Variants in TSPAN9 observed in about 807,000 individuals in gnomAD.
TSPAN9 encodes tetraspanin 9.
TSPAN9 carries 16 observed loss-of-function variants against 31.0 expected under a neutral mutation model. That is an observed-to-expected ratio of 0.52 (90% confidence interval 0.35 to 0.78). TSPAN9 has a LOEUF of 0.78. Among genes scored for constraint, TSPAN9 ranks in the 30% least tolerant of loss-of-function variants. The probability of loss-of-function intolerance (pLI) is 0.01; values close to 1 mark genes in which losing one functional copy is unlikely to be tolerated. For missense variants in TSPAN9, 272 were observed against 312.5 expected (o/e 0.87, Z 0.98); for synonymous variants, 145 against 121.6 (o/e 1.19, Z -1.27).
At chr12:3,194,496 C>A (rs1387127905) in intron 2 of TSPAN9, among the ~76,000 whole-genome samples, 1 of 152,164 alleles carries the variant, frequency 6.6e-6, no homozygotes, top group Non-Finnish European at 1.5e-5. Flanking sequence ...AAGTGATCCT[C>A]CCGCCTCAGC....
intron 2 of TSPAN9, among the ~76,000 whole-genome samples, chr12:3,104,113 C>T (rs1436706563): frequency 6.6e-6 from 1 of 151,938 alleles, no homozygotes; most frequent in Non-Finnish European, 1.5e-5. Flanking sequence ...GGTGGGAGCA[C>T]ATGAGGCCTG....
chr12:3,247,577 G>T (rs1040755765), intron 3 of TSPAN9, among the ~76,000 whole-genome samples: 7 of 152,154 alleles, frequency 4.6e-5, no homozygotes, highest in Non-Finnish European at 1.0e-4. Flanking sequence ...CAGAGTACCC[G>T]TAGGGAGTAC....
In TSPAN9 at chr12:3,147,396, G is replaced by A. The variant is rs1294334590; in HGVS notation, c.-17-53781G>A. Among the ~76,000 whole-genome samples the A allele has an allele frequency of 6.6e-6, 1 of 152,190 alleles. No homozygotes were observed. The highest frequency in any genetic ancestry group is 2.1e-4 in the South Asian group (1 of 4,824). The stretch of plus-strand genomic sequence containing the variant: ...TGTTGGGGCCCGGGAGACCCTCGCC[G>A]AGGAGCAAGGTTGGTGGTGGGCATG... On this transcript the variant is annotated intron_variant, in intron 2 of 8. Coordinates refer to ENST00000011898, the MANE Select transcript of TSPAN9 (RefSeq NM_006675.5). The surrounding 1 kb of genome is among the most constrained non-coding windows in gnomAD (Gnocchi z 4.3).
At chr12:3,189,479 A>C (rs1365960050) in intron 2 of TSPAN9, among the ~76,000 whole-genome samples, 1 of 152,100 alleles carries the variant, frequency 6.6e-6, no homozygotes, top group Admixed American at 6.6e-5. Context: ...CTACAGAGGG[A>C]GAGGGTGCAG....
intron 5 of TSPAN9, among the ~76,000 whole-genome samples, chr12:3,279,590 T>G (rs1862858197): frequency 6.6e-6 from 1 of 152,220 alleles, no homozygotes; most frequent in Non-Finnish European, 1.5e-5. Flanking sequence ...TGACCCCCTG[T>G]AACCTCGCCA....
intron 2 of TSPAN9, among the ~76,000 whole-genome samples, chr12:3,130,886 C>T (rs1284573035): frequency 6.6e-6 from 1 of 152,122 alleles, no homozygotes; most frequent in Admixed American, 6.5e-5. Context: ...GATCCCAGTG[C>T]TCTTGGATCA....
chr12:3,201,094 C>T (rs1368226058), intron 2 of TSPAN9, 83 bp from the exon 3 acceptor site: 3 of 1,309,268 alleles, frequency 2.3e-6, no homozygotes, highest in Non-Finnish European at 2.2e-6. Context: ...CCGAGGCCGG[C>T]GTTAAGACCG....
intron 3 of TSPAN9, among the ~76,000 whole-genome samples, chr12:3,229,587 C>T (rs181127685): frequency 1.7e-3 from 264 of 152,348 alleles, no homozygotes; most frequent in African/African-American, 6.3e-3. Flanking sequence ...TTCACCAGGA[C>T]CTATCCGTGT....
intron 3 of TSPAN9, among the ~76,000 whole-genome samples, chr12:3,273,974 C>T (rs1862733533): frequency 6.6e-6 from 1 of 152,202 alleles, no homozygotes; most frequent in South Asian, 2.1e-4. Flanking sequence ...ACATCAGATT[C>T]TTTCTCCAAT....
chr12:3,237,534 C>T (rs1420621600), intron 3 of TSPAN9, among the ~76,000 whole-genome samples: 2 of 152,196 alleles, frequency 1.3e-5, no homozygotes, highest in Non-Finnish European at 2.9e-5. Context: ...CAGTGGACAG[C>T]CAGAGCCTCT....
At chr12:3,245,477 A>G (rs980144332) in intron 3 of TSPAN9, among the ~76,000 whole-genome samples, 2 of 152,308 alleles carry the variant, frequency 1.3e-5, no homozygotes, top group Middle Eastern at 6.8e-3. Flanking sequence ...TTGGCAGCCC[A>G]GGGGAAGGGA....
At chr12:3,224,658 G>T (rs1293610956) in intron 3 of TSPAN9, among the ~76,000 whole-genome samples, 1 of 152,242 alleles carries the variant, frequency 6.6e-6, no homozygotes, top group Admixed American at 6.5e-5. Flanking sequence ...AGCAGCCTGG[G>T]ATCTCCGATG....
At chr12:3,251,314 TC>T (rs780046255) in intron 3 of TSPAN9, among the ~76,000 whole-genome samples, 4 of 151,830 alleles carry the variant, frequency 2.6e-5, no homozygotes, top group South Asian at 4.2e-4. Context: ...GGTGATGAAA[TC>T]CCCTCGCATT....
chr12:3,228,514 G>A (rs1197305316), intron 3 of TSPAN9, among the ~76,000 whole-genome samples: 1 of 152,220 alleles, frequency 6.6e-6, no homozygotes, highest in Non-Finnish European at 1.5e-5. Flanking sequence ...CATTTCTGAG[G>A]CTTTGCTCAT....
At chr12:3,176,088 C>G (rs1298827366) in intron 2 of TSPAN9, among the ~76,000 whole-genome samples, 1 of 152,250 alleles carries the variant, frequency 6.6e-6, no homozygotes, top group Non-Finnish European at 1.5e-5. Context: ...AAGTGGCTCT[C>G]ACGCGCTTCT....
chr12:3,078,218 C>A (rs2098296087), intron 1 of TSPAN9, among the ~76,000 whole-genome samples: 1 of 152,126 alleles, frequency 6.6e-6, no homozygotes, highest in East Asian at 1.9e-4. Context: ...TTTCTCGCAT[C>A]ACCAAAACGG....
At chr12:3,236,732 G>T (rs541641573) in intron 3 of TSPAN9, among the ~76,000 whole-genome samples, 2 of 152,106 alleles carry the variant, frequency 1.3e-5, no homozygotes, top group African/African-American at 4.8e-5. Context: ...GAGTCCAGGC[G>T]GTGGGGTATT....
At chr12:3,152,592 T>G (rs890666545) in intron 2 of TSPAN9, among the ~76,000 whole-genome samples, 3 of 151,602 alleles carry the variant, frequency 2.0e-5, no homozygotes, top group Admixed American at 2.0e-4. Flanking sequence ...TCTTTTCTTT[T>G]CTTTCTTTTT....
intron 2 of TSPAN9, among the ~76,000 whole-genome samples, chr12:3,121,539 T>C (rs977501685): frequency 4.4e-5 from 6 of 136,602 alleles, no homozygotes; most frequent in South Asian, 2.5e-4. Flanking sequence ...AAAACTTTTT[T>C]TTTTTTTTTT....
Sources: allele counts gnomAD v4.1 joint callset (sites outside exome capture counted in the v4.1 genomes callset), GRCh38; gene constraint gnomAD v4.1.1; non-coding constraint Gnocchi (gnomAD v3.1); transcripts MANE v1.5; gene names NCBI Gene and HGNC (gene_info 2026-07-23, HGNC 2026-07-21).